JADE3: variants seen among roughly 807,000 people sequenced by gnomAD.
JADE3 encodes the protein protein Jade-3.
Under a neutral mutation model 50.1 loss-of-function variants are expected in JADE3, and 2 were observed. The observed-to-expected ratio is 0.04, with a 90% confidence interval of 0.02 to 0.13. JADE3 has a LOEUF of 0.13. Ranked by LOEUF, JADE3 falls within the 10% of genes least tolerant of loss-of-function variation. The pLI is 1.00. For synonymous variants in JADE3, 218 were observed against 232.9 expected (o/e 0.94, Z 0.58); for missense variants, 475 against 634.4 (o/e 0.75, Z 2.70).
intron 4 of JADE3, among the ~76,000 whole-genome samples, chrX:47,022,217 A>G (rs1928811178): frequency 8.9e-6 from 1 of 112,310 alleles, no homozygotes; most frequent in African/African-American, 3.2e-5. Flanking sequence ...GAAACATGAC[A>G]TATTTAATCT....
intron 1 of JADE3, among the ~76,000 whole-genome samples, chrX:46,937,738 T>C (rs1926662197): frequency 8.9e-6 from 1 of 112,099 alleles, no homozygotes; most frequent in Non-Finnish European, 1.9e-5. Flanking sequence ...CCCAGCACTT[T>C]GGGAGGCCGA....
At chrX:46,971,185 G>A (rs1410415065) in intron 1 of JADE3, among the ~76,000 whole-genome samples, 5 of 99,345 alleles carry the variant, frequency 5.0e-5, no homozygotes, top group Non-Finnish European at 1.0e-4. Flanking sequence ...GCGCGATCTC[G>A]GCTCACTGCA....
At chrX:47,008,432 A>G (rs782217004) in intron 4 of JADE3, among the ~76,000 whole-genome samples, 16 of 112,452 alleles carry the variant, frequency 1.4e-4, no homozygotes, top group African/African-American at 4.8e-4. Context: ...TTATGCAATG[A>G]AAAGGAGTTA....
chrX:46,975,702 T>TTTTTTC (rs1927603112), intron 1 of JADE3, among the ~76,000 whole-genome samples: 4 of 90,135 alleles, frequency 4.4e-5, no homozygotes, highest in African/African-American at 7.9e-5. Context: ...TTTTTCTTTC[T>TTTTTTC]TTTTTCTTTT....
At chrX:47,053,092 G>A (rs1018969797) in intron 8 of JADE3, among the ~76,000 whole-genome samples, 8 of 108,890 alleles carry the variant, frequency 7.3e-5, no homozygotes, top group African/African-American at 2.7e-4. Context: ...GCCACTCATG[G>A]CTACTTGGCC....
intron 1 of JADE3, among the ~76,000 whole-genome samples, chrX:46,925,001 C>T (rs1210570048): frequency 8.9e-6 from 1 of 111,900 alleles, no homozygotes; most frequent in Non-Finnish European, 1.9e-5. Context: ...ACAAACCTGA[C>T]TAGGTAAGTG....
intron 3 of JADE3, among the ~76,000 whole-genome samples, chrX:46,988,995 G>A (rs1306575837): frequency 9.0e-6 from 1 of 111,476 alleles, no homozygotes; most frequent in Non-Finnish European, 1.9e-5. Flanking sequence ...GCCTGCCACC[G>A]TGCCTGGGTA....
At chrX:46,984,510 A>G (rs782769463) in intron 1 of JADE3, among the ~76,000 whole-genome samples, 1 of 1,696 alleles carries the variant, frequency 5.9e-4, no homozygotes, top group African/African-American at 1.1e-3. Flanking sequence ...CCCTGCCCTC[A>G]TGACTGACCT....
intron 3 of JADE3, among the ~76,000 whole-genome samples, chrX:46,994,191 A>C (rs1337899029): frequency 8.9e-6 from 1 of 112,398 alleles, no homozygotes; most frequent in Admixed American, 9.4e-5. Flanking sequence ...TAAAAGCCAG[A>C]GTTGTCTGCA....
At chrX:46,966,482 A>G (rs1927371263) in intron 1 of JADE3, among the ~76,000 whole-genome samples, 1 of 111,101 alleles carries the variant, frequency 9.0e-6, no homozygotes, top group Non-Finnish European at 1.9e-5. Context: ...ATCACCTACA[A>G]GATGGTTAGA....
intron 1 of JADE3, among the ~76,000 whole-genome samples, chrX:46,972,890 C>T (rs1200827282): frequency 3.6e-5 from 4 of 112,441 alleles, no homozygotes; most frequent in African/African-American, 1.3e-4. Flanking sequence ...TGAGCCACCG[C>T]GCCCGGCTGG....
chrX:46,995,929 G>C (rs1405981396), intron 3 of JADE3, among the ~76,000 whole-genome samples: 1 of 112,311 alleles, frequency 8.9e-6, no homozygotes, highest in Non-Finnish European at 1.9e-5. Context: ...TTCTCTAAAG[G>C]GGAAGGAAAA....
intron 6 of JADE3, among the ~76,000 whole-genome samples, chrX:47,029,572 G>C (rs782251133): frequency 8.9e-6 from 1 of 112,176 alleles, no homozygotes; most frequent in East Asian, 2.8e-4. Flanking sequence ...AAAGTAATTA[G>C]AATAGATAAC....
chrX:46,943,668 A>G (rs1437051312), intron 1 of JADE3, among the ~76,000 whole-genome samples: 1 of 111,346 alleles, frequency 9.0e-6, no homozygotes, highest in Non-Finnish European at 1.9e-5. Context: ...TTTGGCCTAT[A>G]GTTTTCTTTT....
intron 3 of JADE3, among the ~76,000 whole-genome samples, chrX:46,990,969 CTTTCACTGAACATAGTGT>C (rs1320001104): frequency 9.4e-6 from 1 of 106,201 alleles, no homozygotes; most frequent in Non-Finnish European, 1.9e-5. Context: ...TGTCTGGCTT[CTTTCACTGAACATAGTGT>C]TTTCACCTCT....
chrX:47,003,319 T>G (rs1453010341), intron 4 of JADE3, among the ~76,000 whole-genome samples: 1 of 110,502 alleles, frequency 9.0e-6, no homozygotes. Context: ...ACCTTCTCAC[T>G]GTGTGCTCAC....
Position 46,933,341 on chromosome X carries a change from A to C in JADE3, c.-12+20622A>C, listed in dbSNP as rs370701498. ...TTACCCAAAGAACTAAAAATGGAGT[A>C]ATGCAAAAGAGTGGAACTCCTTCAC... is the stretch of plus-strand genomic sequence containing the variant. On this transcript the variant is annotated intron_variant, in intron 1 of 10. Coordinates refer to ENST00000614628, the MANE Select transcript of JADE3 (RefSeq NM_014735.5). Among the ~76,000 whole-genome samples, 588 of 112,227 alleles carry C rather than the reference A, an allele frequency of 5.2e-3. 2 individuals carry two copies. Among genetic ancestry groups the C allele is most frequent in the South Asian group, 0.024 (65 of 2,677 alleles).
intron 2 of JADE3, among the ~76,000 whole-genome samples, chrX:46,985,248 G>T (rs1203091730): frequency 9.0e-6 from 1 of 111,713 alleles, no homozygotes; most frequent in Non-Finnish European, 1.9e-5. Flanking sequence ...TGTAGGCCCT[G>T]ATTCTAATTG....
chrX:46,982,892 G>A (rs782183946), intron 1 of JADE3, among the ~76,000 whole-genome samples: 3 of 110,962 alleles, frequency 2.7e-5, no homozygotes, highest in East Asian at 2.8e-4. Flanking sequence ...GCAGTGGCGC[G>A]ATCTCAGCTC....
Sources: allele counts gnomAD v4.1 joint callset (sites outside exome capture counted in the v4.1 genomes callset), GRCh38; gene constraint gnomAD v4.1.1; transcripts MANE v1.5; gene names NCBI Gene and HGNC (gene_info 2026-07-23, HGNC 2026-07-21).